Variants in GPC5 observed in about 807,000 individuals in gnomAD.
The protein encoded by GPC5 is glypican 5.
GPC5 carries 47 observed loss-of-function variants against 53.9 expected under a neutral mutation model. That is an observed-to-expected ratio of 0.87 (90% CI 0.69 to 1.11). The LOEUF is 1.11. Among genes scored for constraint, GPC5 ranks in the 50% most tolerant of loss-of-function variants. The pLI is 0.00. For missense variants in GPC5, 748 were observed against 713.1 expected (o/e 1.05, Z -0.56); for synonymous variants, 286 against 263.3 (o/e 1.09, Z -0.84).
chr13:92,368,501 C>T (rs542295858), intron 7 of GPC5, among the ~76,000 whole-genome samples: 59 of 150,590 alleles, frequency 3.9e-4, no homozygotes, highest in Non-Finnish European at 7.4e-4. Context: ...AAAATTAGCC[C>T]GGCATTGTGG....
chr13:91,504,607 C>A (rs1472161419), intron 2 of GPC5, among the ~76,000 whole-genome samples: 1 of 151,972 alleles, frequency 6.6e-6, no homozygotes, highest in Non-Finnish European at 1.5e-5. Flanking sequence ...AAATACGTAA[C>A]CTTAGGAATT....
intron 6 of GPC5, among the ~76,000 whole-genome samples, chr13:91,980,961 C>A (rs1364485482): frequency 6.6e-6 from 1 of 152,162 alleles, no homozygotes; most frequent in Non-Finnish European, 1.5e-5. Context: ...TTTAGTATTT[C>A]ATTGAAAGAC....
intron 2 of GPC5, among the ~76,000 whole-genome samples, chr13:91,641,234 A>C (rs978233200): frequency 6.6e-6 from 1 of 152,216 alleles, no homozygotes; most frequent in Non-Finnish European, 1.5e-5. Context: ...AGGCTGAGGC[A>C]GGAGAATGGC....
At chr13:92,504,295 A>G (rs748977256) in intron 7 of GPC5, among the ~76,000 whole-genome samples, 225 of 152,098 alleles carry the variant, frequency 1.5e-3, no homozygotes, top group Non-Finnish European at 2.7e-3. Context: ...CAAGTACAGA[A>G]ACAGAATGTT....
chr13:92,281,378 C>A (rs2042914576), intron 7 of GPC5, among the ~76,000 whole-genome samples: 1 of 152,206 alleles, frequency 6.6e-6, no homozygotes, highest in Admixed American at 6.5e-5. Context: ...ATGTCCCTGT[C>A]TGACAGCTTT....
chr13:91,909,975 C>A (rs773507270), intron 6 of GPC5, among the ~76,000 whole-genome samples: 19 of 152,022 alleles, frequency 1.2e-4, no homozygotes, highest in Admixed American at 2.6e-4. Context: ...GTGAAGATGG[C>A]CAATTATTCA....
intron 5 of GPC5, among the ~76,000 whole-genome samples, chr13:91,836,559 AAAATCATGAGTG>A (rs892618954): frequency 3.3e-5 from 5 of 152,244 alleles, no homozygotes; most frequent in Middle Eastern, 3.4e-3. Context: ...GTGTATTGAT[AAAATCATGAGTG>A]CTCATTAATC....
intron 7 of GPC5, among the ~76,000 whole-genome samples, chr13:92,651,758 T>G (rs900843314): frequency 5.9e-5 from 9 of 152,156 alleles, no homozygotes; most frequent in Admixed American, 2.0e-4. Context: ...TATAGAAGTC[T>G]CTGTACTATC....
Position 91,507,311 on chromosome 13 carries a change from T to G in GPC5, c.325+58389T>G, listed in dbSNP as rs540492112. Among the ~76,000 whole-genome samples the G allele has an allele frequency of 2.6e-5, 4 of 152,226 alleles. No homozygotes were observed. In the South Asian group the frequency reaches 8.3e-4, roughly 32 times the overall value. On this transcript the variant is annotated intron_variant, in intron 2 of 7. Transcript: ENST00000377067. ...AGAATCCCATTCATGAGGACCTGTA[T>G]TAGTCTGTTTTCACACTGCTGATAA...
intron 7 of GPC5, among the ~76,000 whole-genome samples, chr13:92,345,937 T>A (rs1165703448): frequency 6.6e-6 from 1 of 152,174 alleles, no homozygotes; most frequent in East Asian, 1.9e-4. Context: ...ACCAGCTGAC[T>A]TTATAACCAC....
Position 92,082,109 on chromosome 13 carries a change from C to G in GPC5, c.1402-62721C>G, listed in dbSNP as rs183293554. Among the ~76,000 whole-genome samples the G allele has an allele frequency of 9.9e-4, 150 of 152,170 alleles. 1 individual carries two copies. The highest frequency in any genetic ancestry group is 3.5e-3 in the African/African-American group (144 of 41,514). ...TGAAGATAGCATCATTTAAGCATTTCTCACCTTAATTAAAGGGGAGTTTGT... is the reference window on the plus strand; with the variant it reads ...TGAAGATAGCATCATTTAAGCATTTGTCACCTTAATTAAAGGGGAGTTTGT... On this transcript the variant is annotated intron_variant, in intron 6 of 7. Transcript: ENST00000377067.
At chr13:92,805,581 T>G (rs1877065357) in intron 7 of GPC5, among the ~76,000 whole-genome samples, 1 of 152,042 alleles carries the variant, frequency 6.6e-6, no homozygotes, top group South Asian at 2.1e-4. Context: ...GGACTACAGG[T>G]GCACACCACC....
At chr13:92,560,176 A>T (rs1030113221) in intron 7 of GPC5, among the ~76,000 whole-genome samples, 1 of 152,004 alleles carries the variant, frequency 6.6e-6, no homozygotes, top group African/African-American at 2.4e-5. Flanking sequence ...TTTTTTCAAC[A>T]TATGAAACAA....
At chr13:92,312,661 A>G in intron 7 of GPC5, among the ~76,000 whole-genome samples, 1 of 152,134 alleles carries the variant, frequency 6.6e-6, no homozygotes, top group East Asian at 1.9e-4. Context: ...TAAAATTGTC[A>G]TTTGTTGACA....
chr13:92,206,276 T>C (rs1334082207), intron 7 of GPC5, among the ~76,000 whole-genome samples: 2 of 149,778 alleles, frequency 1.3e-5, no homozygotes, highest in Admixed American at 6.6e-5. Context: ...GCCATTCTCC[T>C]GCCTCAGCCT....
At chr13:92,157,049 C>T (rs761258007) in intron 7 of GPC5, among the ~76,000 whole-genome samples, 2 of 152,020 alleles carry the variant, frequency 1.3e-5, no homozygotes, top group Non-Finnish European at 2.9e-5. Context: ...AGTATGTATT[C>T]CATTAGGTTG....
intron 2 of GPC5, among the ~76,000 whole-genome samples, chr13:91,680,214 G>C (rs760135075): frequency 3.3e-5 from 5 of 152,184 alleles, no homozygotes; most frequent in Non-Finnish European, 7.3e-5. Flanking sequence ...ACTTTGGGAG[G>C]CCGAGGGGGG....
At chr13:92,427,917 A>C (rs1876907254) in intron 7 of GPC5, among the ~76,000 whole-genome samples, 2 of 152,162 alleles carry the variant, frequency 1.3e-5, no homozygotes, top group Admixed American at 6.6e-5. Context: ...TGTTTTAGCA[A>C]AACATAGATG....
intron 6 of GPC5, among the ~76,000 whole-genome samples, chr13:92,139,433 C>G (rs992634926): frequency 6.6e-6 from 1 of 151,906 alleles, no homozygotes; most frequent in South Asian, 2.1e-4. Flanking sequence ...TTTGGGAGGC[C>G]GAGGCGGGTG....
Sources: allele counts gnomAD v4.1 joint callset (sites outside exome capture counted in the v4.1 genomes callset), GRCh38; gene constraint gnomAD v4.1.1; transcripts MANE v1.5; gene names NCBI Gene and HGNC (gene_info 2026-07-23, HGNC 2026-07-21).